The following CDH1 variants were observed in gnomAD, a reference collection of about 807,000 sequenced individuals.
CDH1 encodes the protein cadherin-1.
CDH1 carries 35 observed loss-of-function variants against 84.5 expected under a neutral mutation model. The ratio of observed to expected loss-of-function variants is 0.41; its 90% confidence interval spans 0.32 to 0.55. CDH1 has a LOEUF of 0.55. Ranked by LOEUF, CDH1 falls within the 20% of genes least tolerant of loss-of-function variation. CDH1 has a pLI of 0.19. For missense variants in CDH1, 994 were observed against 1,126.6 expected (o/e 0.88, Z 1.68); for synonymous variants, 417 against 439.0 (o/e 0.95, Z 0.63).
chr16:68,745,611 A>ATATATATGTATGTG (rs764568693), intron 2 of CDH1, among the ~76,000 whole-genome samples: 3 of 116,138 alleles, frequency 2.6e-5, no homozygotes, highest in African/African-American at 7.7e-5. Flanking sequence ...ATGTATGTGT[A>ATATATATGTATGTG]TATATATATA....
chr16:68,749,026 C>T (rs558328792), intron 2 of CDH1, among the ~76,000 whole-genome samples: 3 of 151,756 alleles, frequency 2.0e-5, no homozygotes, highest in Non-Finnish European at 4.4e-5. Context: ...TTAATAGAGA[C>T]GGGATTTCAT....
chr16:68,819,528 A>C, intron 11 of CDH1, 103 bp downstream of exon 11: 1 of 1,263,740 alleles, frequency 7.9e-7, no homozygotes, highest in Admixed American at 1.8e-5. Context: ...TTTTTCTTTT[A>C]TCCTTTTTGT....
intron 3 of CDH1, among the ~76,000 whole-genome samples, chr16:68,805,780 A>G (rs998820114): frequency 6.6e-6 from 1 of 152,118 alleles, no homozygotes; most frequent in African/African-American, 2.4e-5. Flanking sequence ...TTATTAGTAG[A>G]AACAGGATTT....
At chr16:68,772,547 G>A (rs770998807) in intron 2 of CDH1, among the ~76,000 whole-genome samples, 4 of 152,212 alleles carry the variant, frequency 2.6e-5, no homozygotes, top group East Asian at 1.9e-4. Context: ...GGGCTAACCC[G>A]CACCGTATAC....
intron 2 of CDH1, among the ~76,000 whole-genome samples, chr16:68,762,760 T>C (rs1471343493): frequency 6.6e-6 from 1 of 151,646 alleles, no homozygotes; most frequent in Non-Finnish European, 1.5e-5. Flanking sequence ...AACATAAAAA[T>C]TATCCGGGCG....
chr16:68,759,785 C>T (rs905187898), intron 2 of CDH1, among the ~76,000 whole-genome samples: 10 of 152,182 alleles, frequency 6.6e-5, no homozygotes, highest in Non-Finnish European at 1.3e-4. Flanking sequence ...TGAGCCACCA[C>T]GCCGGGCCTG....
intron 2 of CDH1, among the ~76,000 whole-genome samples, chr16:68,750,798 G>C (rs146846256): frequency 6.6e-6 from 1 of 150,768 alleles, no homozygotes; most frequent in Non-Finnish European, 1.5e-5. Flanking sequence ...TCGACCTCCC[G>C]GGCTCAAGCA....
chr16:68,833,575 C>G lies in CDH1; in HGVS notation c.*76C>G. 8.5e-7 allele frequency: 1 copy of G among 1,177,604 alleles called. No individual in the cohort carries two copies. The highest frequency in any genetic ancestry group is 1.2e-5 in the South Asian group (1 of 81,850). The allele number at this position is 1,177,604 out of a possible 1,614,324, so 72.9% of individuals were successfully genotyped here. A position where few individuals can be genotyped will look rare whatever the true frequency, so the allele number is the denominator to read the frequency against. ...TCACGTTGCTGGTGGTTTTTCAGCT[C>G]CCTTCCCTTGAGATGAGTTTCTGGG... is the stretch of plus-strand genomic sequence containing the variant. On this transcript the variant is annotated 3_prime_UTR_variant, in exon 16 of 16. Transcript: ENST00000261769.
At chr16:68,816,674 A>G (rs1960994283) in intron 10 of CDH1, among the ~76,000 whole-genome samples, 1 of 152,144 alleles carries the variant, frequency 6.6e-6, no homozygotes, top group Admixed American at 6.5e-5. Flanking sequence ...ACTTGAACCC[A>G]AAAAGCTGAG....
At chr16:68,750,014 G>A (rs893455419) in intron 2 of CDH1, among the ~76,000 whole-genome samples, 1 of 151,740 alleles carries the variant, frequency 6.6e-6, no homozygotes, top group African/African-American at 2.4e-5. Flanking sequence ...TGCTGCCCAG[G>A]CTGGAGTGCA....
intron 2 of CDH1, among the ~76,000 whole-genome samples, chr16:68,767,659 G>GT (rs1458611342): frequency 2.0e-5 from 3 of 152,234 alleles, no homozygotes; most frequent in South Asian, 2.1e-4. Context: ...TTGTTTGTTT[G>GT]TTTTTTTATT....
intron 2 of CDH1, among the ~76,000 whole-genome samples, chr16:68,758,879 T>G (rs945598619): frequency 1.3e-5 from 2 of 151,828 alleles, no homozygotes; most frequent in African/African-American, 4.8e-5. Context: ...CACTGCAACT[T>G]CCGCCTCCCG....
At chr16:68,807,454 G>C (rs1190083076) in intron 3 of CDH1, among the ~76,000 whole-genome samples, 1 of 152,106 alleles carries the variant, frequency 6.6e-6, no homozygotes, top group Non-Finnish European at 1.5e-5. Flanking sequence ...AGAATCGCTT[G>C]AGCCCAGGAG....
At chr16:68,769,044 A>G (rs1447594386) in intron 2 of CDH1, among the ~76,000 whole-genome samples, 2 of 151,950 alleles carry the variant, frequency 1.3e-5, no homozygotes, top group Admixed American at 6.6e-5. Context: ...TGTACCGCCT[A>G]CCCTGCCTTT....
rs10563852 is a variant in CDH1 at position 68,804,102 on chromosome 16, CTTTTTTTTTTTTTTT to C, written c.387+2224_387+2238del. Among the ~76,000 whole-genome samples the C allele has an allele frequency of 9.3e-5, 7 of 75,094 alleles. No homozygotes were observed. In the East Asian group the frequency reaches 1.7e-3, roughly 18 times the overall value. The allele number at this position is 75,094 out of a possible 152,430, so 49.3% of individuals were successfully genotyped here. A position where few individuals can be genotyped will look rare whatever the true frequency, so the allele number is the denominator to read the frequency against. On this transcript the variant is annotated intron_variant, in intron 3 of 15. Coordinates refer to ENST00000261769, the MANE Select transcript of CDH1 (RefSeq NM_004360.5). ...ATTCATTACTTAGTTATCTGTCTGC[CTTTTTTTTTTTTTTT>C]TTTTTTTTTTTTTTGAGATGGAGTC...
rs757497479 is a variant in CDH1, at chr16:68,801,866, G to A, written c.360G>A (p.Gly120=). ...CCAAAGTCACGCTGAATACAGTGGG[G>A]CACCACCACCGCCCCCCGCCCCATC... is the stretch of plus-strand genomic sequence containing the variant. ...FSTKVTLNTV[G]HHHRPPPHQA... is the part of the protein sequence containing the mutation. Residue 120 remains glycine (G), a synonymous_variant, in exon 3 of 16, where the codon GGG becomes GGA. Transcript: ENST00000261769. 1.9e-6 allele frequency: 3 copies of A among 1,614,124 alleles called. No individual in the cohort carries two copies. Among genetic ancestry groups the A allele is most frequent in the East Asian group, 4.5e-5 (2 of 44,888 alleles).
intron 10 of CDH1, among the ~76,000 whole-genome samples, chr16:68,818,458 C>T (rs1961042362): frequency 6.6e-6 from 1 of 150,896 alleles, no homozygotes; most frequent in Non-Finnish European, 1.5e-5. Flanking sequence ...TGAGTAAACT[C>T]AGGTGAAGAG....
intron 10 of CDH1, among the ~76,000 whole-genome samples, chr16:68,817,998 G>A (rs1324308535): frequency 6.6e-6 from 1 of 152,038 alleles, no homozygotes; most frequent in Non-Finnish European, 1.5e-5. Context: ...CAGTGCTTTG[G>A]GAGGCCGAGA....
At chr16:68,821,333 A>C (rs1293592764) in intron 11 of CDH1, among the ~76,000 whole-genome samples, 3 of 152,052 alleles carry the variant, frequency 2.0e-5, no homozygotes, top group African/African-American at 7.2e-5. Context: ...AAACTAGCCA[A>C]GCATGGTGGC....
Sources: gnomAD v4.1 joint callset for allele counts (sites outside exome capture counted in the v4.1 genomes callset) on GRCh38, gnomAD v4.1.1 for gene constraint, MANE v1.5 for transcripts, NCBI Gene and HGNC (gene_info 2026-07-23, HGNC 2026-07-21) for gene names.